The following KIDINS220 variants were observed in gnomAD, a reference collection of about 807,000 sequenced individuals.
KIDINS220 encodes the protein kinase D interacting substrate 220.
KIDINS220 carries 63 observed loss-of-function variants against 157.6 expected under a neutral mutation model. That is an observed-to-expected ratio of 0.40 (90% CI 0.33 to 0.49). The LOEUF is 0.49. KIDINS220 is among the 20% of genes least tolerant of loss of function. The pLI, the probability that KIDINS220 is intolerant of heterozygous loss-of-function variation, is 0.66. For synonymous variants in KIDINS220, 732 were observed against 783.6 expected (o/e 0.93, Z 1.10); for missense variants, 1,772 against 2,171.2 (o/e 0.82, Z 3.65).
intron 22 of KIDINS220, among the ~76,000 whole-genome samples, chr2:8,763,934 C>T (rs1669106320): frequency 1.3e-5 from 2 of 152,218 alleles, no homozygotes; most frequent in Non-Finnish European, 2.9e-5. Flanking sequence ...GAAAAAGACA[C>T]TTGCACATAT....
chr2:8,798,258 C>T lies in KIDINS220; in HGVS notation c.943G>A (p.Ala315Thr). 1 of 1,612,456 alleles carries T rather than the reference C, an allele frequency of 6.2e-7. No individual in the cohort carries two copies. The highest frequency in any genetic ancestry group is 8.5e-7 in the Non-Finnish European group (1 of 1,178,712). ...TGTAAGATATCTCTCACCATTGTTG[C>T]ATTTCCTTTCTCAACAGCCCAATAC... ...ALYWAVEKGN[A>T]TMVRDILQCN... The change falls in exon 10 of 30, where the codon GCA becomes ACA. Residue 315 changes from alanine (A) to threonine (T), a missense_variant. Transcript: ENST00000256707.
chr2:8,805,269 A>G (rs1675281572), intron 7 of KIDINS220, among the ~76,000 whole-genome samples: 1 of 152,080 alleles, frequency 6.6e-6, no homozygotes, highest in Non-Finnish European at 1.5e-5. Flanking sequence ...TGTGGGCTTC[A>G]TTATGAAGGC....
At chr2:8,772,913 A>G (rs1670430582) in intron 21 of KIDINS220, among the ~76,000 whole-genome samples, 1 of 152,236 alleles carries the variant, frequency 6.6e-6, no homozygotes, top group Non-Finnish European at 1.5e-5. Context: ...AAGAAGTAAC[A>G]TGCCCGTGAC....
intron 22 of KIDINS220, among the ~76,000 whole-genome samples, chr2:8,768,007 T>C (rs1669694572): frequency 6.6e-6 from 1 of 152,210 alleles, no homozygotes; most frequent in Non-Finnish European, 1.5e-5. Context: ...AAACTTATTC[T>C]GACCATATCA....
At chr2:8,821,891 T>C (rs1436724739) in intron 2 of KIDINS220, among the ~76,000 whole-genome samples, 1 of 152,192 alleles carries the variant, frequency 6.6e-6, no homozygotes, top group Non-Finnish European at 1.5e-5. Context: ...GAGTAACTTA[T>C]GTCATGAAAA....
chr2:8,776,184 T>TA (rs1388903583), intron 21 of KIDINS220, among the ~76,000 whole-genome samples: 1 of 151,788 alleles, frequency 6.6e-6, no homozygotes, highest in Non-Finnish European at 1.5e-5. Context: ...ACTATCATAA[T>TA]AGAGTTAACA....
chr2:8,834,780 C>T (rs1680162355), intron 1 of KIDINS220, among the ~76,000 whole-genome samples: 1 of 152,130 alleles, frequency 6.6e-6, no homozygotes, highest in South Asian at 2.1e-4. Flanking sequence ...CTTCAAAACC[C>T]CCCTCGCGGG....
chr2:8,819,584 G>A (rs896742317), intron 2 of KIDINS220, among the ~76,000 whole-genome samples: 3 of 152,214 alleles, frequency 2.0e-5, no homozygotes, highest in African/African-American at 7.2e-5. Flanking sequence ...AGCACTTTGG[G>A]AGGCCAAGGT....
In KIDINS220 at chr2:8,733,564, G is replaced by A. The variant is rs544892431; in HGVS notation, c.3933C>T (p.Asn1311=). 1.2e-5 allele frequency: 20 copies of A among 1,613,994 alleles called. No individual in the cohort carries two copies. The highest frequency in any genetic ancestry group is 1.6e-4 in the Middle Eastern group (1 of 6,084). Reference sequence around the variant, plus strand: ...TGGAGAGCTCGGTGTGAGGCAGCTCGTTGTGGGAAGCGCGGCGAGCAGGCT... The same window carrying A: ...TGGAGAGCTCGGTGTGAGGCAGCTCATTGTGGGAAGCGCGGCGAGCAGGCT... ...HGEPARRASH[N]ELPHTELSSQ... The change falls in exon 29 of 30, where the codon AAC becomes AAT. Residue 1311 remains asparagine (N), a synonymous_variant. Coordinates refer to ENST00000256707, the MANE Select transcript of KIDINS220 (RefSeq NM_020738.4).
intron 19 of KIDINS220, 82 bp from the exon 20 acceptor site, chr2:8,778,809 A>G (rs1252399857): frequency 3.1e-6 from 5 of 1,594,304 alleles, no homozygotes; most frequent in South Asian, 1.1e-5. Context: ...AACAACAACA[A>G]TATTTTTCAA....
chr2:8,722,661 G>T (rs1430889900), downstream of KIDINS220: 1 of 152,186 alleles, frequency 6.6e-6, no homozygotes, highest in African/African-American at 2.4e-5. Context: ...TTCTGGGTGG[G>T]TTTGATGATC....
intron 2 of KIDINS220, among the ~76,000 whole-genome samples, chr2:8,825,412 C>CA (rs1678631672): frequency 8.2e-6 from 1 of 121,974 alleles, no homozygotes; most frequent in Non-Finnish European, 1.8e-5. Flanking sequence ...TATTGCCCAA[C>CA]AATGGAGAAA....
chr2:8,776,279 C>T (rs1670946753), intron 21 of KIDINS220, among the ~76,000 whole-genome samples: 1 of 152,010 alleles, frequency 6.6e-6, no homozygotes, highest in South Asian at 2.1e-4. Flanking sequence ...TATGTGGTTG[C>T]CCTGAAGCTA....
chr2:8,757,421 T>A, intron 22 of KIDINS220: 1 of 1,253,764 alleles, frequency 8.0e-7, no homozygotes, highest in Non-Finnish European at 1.0e-6. Context: ...GTCTTACAGC[T>A]TTAACCTTTA....
intron 1 of KIDINS220, among the ~76,000 whole-genome samples, chr2:8,834,790 G>T (rs1488855481): frequency 6.6e-6 from 1 of 152,054 alleles, no homozygotes; most frequent in Non-Finnish European, 1.5e-5. Flanking sequence ...CCCCTCGCGG[G>T]TCACCTATAA....
chr2:8,744,999 A>G (rs920446298), intron 26 of KIDINS220, among the ~76,000 whole-genome samples: 5 of 152,194 alleles, frequency 3.3e-5, no homozygotes, highest in African/African-American at 1.2e-4. Context: ...GCTTCTAAAC[A>G]CATCTCAAGA....
At chr2:8,815,685 A>T (rs1035897959) in intron 4 of KIDINS220, among the ~76,000 whole-genome samples, 27 of 152,210 alleles carry the variant, frequency 1.8e-4, no homozygotes. Context: ...AAAAAAAAAT[A>T]AAGAATAATG....
In KIDINS220 at chr2:8,793,847, G is replaced by A; in HGVS notation, c.1239C>T (p.Ser413=). 1 of 1,610,322 alleles carries A rather than the reference G, an allele frequency of 6.2e-7. No individual in the cohort carries two copies. The highest frequency in any genetic ancestry group is 8.5e-7 in the Non-Finnish European group (1 of 1,178,938). ...AGETPYNIDC[S]HQKSILTQIF... The stretch of plus-strand genomic sequence containing the variant: ...TTTGAGTTAAAATACTCTTCTGATG[G>A]CTACAGTCAATATTATAAGGAGTCT... The change falls in exon 12 of 30, where the codon AGC becomes AGT. Residue 413 remains serine, a synonymous_variant. Transcript: ENST00000256707.
intron 7 of KIDINS220, among the ~76,000 whole-genome samples, chr2:8,805,257 T>C (rs1675279602): frequency 6.6e-6 from 1 of 152,130 alleles, no homozygotes; most frequent in Admixed American, 6.5e-5. Flanking sequence ...TTTGGGTTTT[T>C]ATGTGGGCTT....
Sources: allele counts gnomAD v4.1 joint callset (sites outside exome capture counted in the v4.1 genomes callset), GRCh38; gene constraint gnomAD v4.1.1; transcripts MANE v1.5; gene names NCBI Gene and HGNC (gene_info 2026-07-23, HGNC 2026-07-21).